Variants in LDB2 observed in about 807,000 individuals in gnomAD.
The protein encoded by LDB2 is LIM domain-binding protein 2.
LDB2 carries 12 observed loss-of-function variants against 44.3 expected under a neutral mutation model. The ratio of observed to expected loss-of-function variants is 0.27; its 90% CI spans 0.17 to 0.44. The LOEUF is 0.44. Among genes scored for constraint, LDB2 ranks in the 20% least tolerant of loss-of-function variants. LDB2 has a pLI of 1.00. For missense variants in LDB2, 344 were observed against 473.5 expected (o/e 0.73, Z 2.54); for synonymous variants, 164 against 174.8 (o/e 0.94, Z 0.49).
chr4:16,521,855 T>G (rs1249969661), intron 5 of LDB2, among the ~76,000 whole-genome samples: 1 of 152,212 alleles, frequency 6.6e-6, no homozygotes, highest in Non-Finnish European at 1.5e-5. Context: ...TTTTCCTGGG[T>G]GGACTCTGAT....
At chr4:16,676,163 A>G (rs906179958) in intron 2 of LDB2, among the ~76,000 whole-genome samples, 15 of 152,166 alleles carry the variant, frequency 9.9e-5, no homozygotes, top group African/African-American at 3.1e-4. Context: ...GTGTGTGTGC[A>G]TTTGTGTGTT....
intron 1 of LDB2, among the ~76,000 whole-genome samples, chr4:16,817,338 C>T (rs983682252): frequency 1.4e-4 from 21 of 152,204 alleles, no homozygotes; most frequent in Admixed American, 6.5e-5. Context: ...TAATGTGCTA[C>T]TCAACCTCTT....
At chr4:16,518,307 T>C (rs1724616380) in intron 5 of LDB2, among the ~76,000 whole-genome samples, 1 of 152,178 alleles carries the variant, frequency 6.6e-6, no homozygotes, top group South Asian at 2.1e-4. Context: ...TTGTCAGAGT[T>C]GGCTGTGAAC....
At chr4:16,602,791 GA>G (rs1335142442) in intron 2 of LDB2, among the ~76,000 whole-genome samples, 3 of 152,056 alleles carry the variant, frequency 2.0e-5, no homozygotes, top group Admixed American at 1.3e-4. Flanking sequence ...GGATGACCAA[GA>G]CAGACCCCAC....
intron 2 of LDB2, chr4:16,653,633 TTCAGAGGAAACAG>T (rs1738922599): frequency 6.6e-6 from 1 of 152,140 alleles, no homozygotes; most frequent in Non-Finnish European, 1.5e-5. Flanking sequence ...AAGAAAGATC[TTCAGAGGAAACAG>T]ACTTCGTAGA....
chr4:16,608,800 T>C (rs892751790), intron 2 of LDB2, among the ~76,000 whole-genome samples: 1 of 152,170 alleles, frequency 6.6e-6, no homozygotes, highest in Non-Finnish European at 1.5e-5. Flanking sequence ...AGAGGAGGGC[T>C]TCTGACAGGG....
chr4:16,514,658 C>CAGAGA (rs1230761695), intron 5 of LDB2, among the ~76,000 whole-genome samples: 2 of 152,308 alleles, frequency 1.3e-5, no homozygotes, highest in Admixed American at 6.5e-5. Context: ...CTCTGGAAGA[C>CAGAGA]AATAAGATTA....
At chr4:16,589,173 T>A (rs1365594807) in intron 3 of LDB2, among the ~76,000 whole-genome samples, 1 of 152,234 alleles carries the variant, frequency 6.6e-6, no homozygotes, top group Admixed American at 6.5e-5. Flanking sequence ...TCCACTTTCA[T>A]CATCCTTCAA....
chr4:16,768,108 A>G (rs1769767593), intron 1 of LDB2, among the ~76,000 whole-genome samples: 1 of 152,186 alleles, frequency 6.6e-6, no homozygotes. Context: ...ATGAGAAATT[A>G]CCATGGCAAC....
intron 5 of LDB2, among the ~76,000 whole-genome samples, chr4:16,584,602 G>A (rs1361088853): frequency 3.3e-5 from 5 of 152,208 alleles, no homozygotes; most frequent in Admixed American, 2.0e-4. Context: ...CAGCAAGCAC[G>A]GTGTTCGTGT....
chr4:16,836,261 A>G (rs1784869705), intron 1 of LDB2, among the ~76,000 whole-genome samples: 1 of 152,232 alleles, frequency 6.6e-6, no homozygotes, highest in Non-Finnish European at 1.5e-5. Flanking sequence ...AGAATCTCAA[A>G]TTATTGAGCT....
In LDB2 at chr4:16,864,032, C is replaced by A. The variant is rs1039990508; in HGVS notation, c.132+34322G>T. ...AAGCCCAGCTGCTGATGAGGAGGTCCCTGAATGATTCAGTGATGCAGAATC... is the reference window on the plus strand; with the variant it reads ...AAGCCCAGCTGCTGATGAGGAGGTCACTGAATGATTCAGTGATGCAGAATC... On this transcript the variant is annotated intron_variant, in intron 1 of 7. Coordinates refer to ENST00000304523, the MANE Select transcript of LDB2 (RefSeq NM_001290.5). Among the ~76,000 whole-genome samples the A allele has an allele frequency of 2.0e-5, 3 of 152,066 alleles. No individual in the cohort carries two copies. The South Asian group carries it at 6.2e-4, about 31-fold the overall frequency.
At chr4:16,889,466 A>G (rs1156688669) in intron 1 of LDB2, 4 of 152,202 alleles carry the variant, frequency 2.6e-5, no homozygotes, top group East Asian at 1.9e-4. Context: ...CTCCCTTCAT[A>G]GAAGAAATTT....
At position 16,522,276 on chromosome 4, in the gene LDB2, T is replaced by TTGTGTGTGCGTG. The variant is rs61400788; in HGVS notation, c.616-10173_616-10172insCACGCACACACA. On this transcript the variant is annotated intron_variant, in intron 5 of 7. Transcript: ENST00000304523. ...GATATTCCCCGCCGTGTGTGTGTGT[T>TTGTGTGTGCGTG]TGTGTGTGTGTGTGTGTGTGTATGT... 5.2e-3 allele frequency among the ~76,000 whole-genome samples: 780 copies of TTGTGTGTGCGTG among 150,282 alleles called. 1 individual carries two copies. Among genetic ancestry groups the TTGTGTGTGCGTG allele is most frequent in the African/African-American group, 0.013 (515 of 40,802 alleles).
At chr4:16,680,282 A>T (rs1005562075) in intron 2 of LDB2, among the ~76,000 whole-genome samples, 1 of 152,200 alleles carries the variant, frequency 6.6e-6, no homozygotes, top group Non-Finnish European at 1.5e-5. Flanking sequence ...CACCCAGTTT[A>T]TGGTGTTCTT....
At chr4:16,849,144 C>T (rs76927545) in intron 1 of LDB2, among the ~76,000 whole-genome samples, 1 of 152,062 alleles carries the variant, frequency 6.6e-6, no homozygotes, top group African/African-American at 2.4e-5. Context: ...ATTTTTTTCC[C>T]TCTGTCTTTC....
intron 2 of LDB2, among the ~76,000 whole-genome samples, chr4:16,731,383 G>A (rs138753105): frequency 6.6e-6 from 1 of 152,254 alleles, no homozygotes; most frequent in Non-Finnish European, 1.5e-5. Flanking sequence ...TTGATGTGAT[G>A]GTATTTGGAA....
chr4:16,696,952 A>G (rs16893814), intron 2 of LDB2, among the ~76,000 whole-genome samples: 16,612 of 152,114 alleles, frequency 0.11, 1,168 homozygotes, highest in East Asian at 0.42. Context: ...TATCAGCCAG[A>G]TCCAATGCTC....
intron 2 of LDB2, among the ~76,000 whole-genome samples, chr4:16,692,255 T>C (rs1750963826): frequency 6.6e-6 from 1 of 152,218 alleles, no homozygotes; most frequent in Non-Finnish European, 1.5e-5. Flanking sequence ...AAGTTGGATA[T>C]ACATACATTG....
Sources: allele counts gnomAD v4.1 joint callset (sites outside exome capture counted in the v4.1 genomes callset), GRCh38; gene constraint gnomAD v4.1.1; transcripts MANE v1.5; gene names NCBI Gene and HGNC (gene_info 2026-07-23, HGNC 2026-07-21).